PALMD: variants seen among roughly 807,000 people sequenced by gnomAD.
The protein encoded by PALMD is paralemmin-like protein.
Under a neutral mutation model 56.2 loss-of-function variants are expected in PALMD, and 42 were observed. The observed-to-expected ratio is 0.75, with a 90% CI of 0.58 to 0.97. The LOEUF (loss-of-function observed/expected upper bound fraction) is 0.97. PALMD is among the 50% of genes least tolerant of loss of function. PALMD has a pLI of 0.00. For missense variants in PALMD, 660 were observed against 643.8 expected (o/e 1.03, Z -0.27); for synonymous variants, 242 against 222.9 (o/e 1.09, Z -0.76).
At chr1:99,693,435 T>C (rs1171810601) in intron 7 of PALMD, among the ~76,000 whole-genome samples, 26 of 152,202 alleles carry the variant, frequency 1.7e-4, no homozygotes, top group Admixed American at 1.7e-3. Context: ...GAGGAATATA[T>C]CCAAAAAGAT....
At chr1:99,677,025 G>T (rs1323055559) in intron 3 of PALMD, among the ~76,000 whole-genome samples, 1 of 152,170 alleles carries the variant, frequency 6.6e-6, no homozygotes, top group East Asian at 1.9e-4. Context: ...GATTATTTTA[G>T]ATGAGTTATG....
In PALMD at chr1:99,646,119, T is replaced by C; in HGVS notation, c.-199T>C. The C allele has an allele frequency of 1.7e-6, 1 of 578,412 alleles. No homozygotes were observed. The highest frequency in any genetic ancestry group is 3.1e-6 in the Non-Finnish European group (1 of 323,548). 35.8% of individuals were successfully genotyped at this position (578,412 alleles called of 1,614,324 possible). ...GCCTCCCCAGCACACCCTCATTACA[T>C]GTGTCTGTCTGGCCTGATCTGTGCA... On this transcript the variant is annotated 5_prime_UTR_variant, in exon 1 of 8. It removes an upstream start codon present in the reference 5' UTR. Transcript: ENST00000263174.
intron 1 of PALMD, 119 bp downstream of exon 1, chr1:99,646,481 G>A: frequency 1.3e-6 from 1 of 771,464 alleles, no homozygotes. Flanking sequence ...CAGCCTTCAT[G>A]GACGAGTCTC....
chr1:99,674,013 G>A (rs1223927569), intron 3 of PALMD, among the ~76,000 whole-genome samples: 2 of 152,066 alleles, frequency 1.3e-5, no homozygotes, highest in Non-Finnish European at 2.9e-5. Flanking sequence ...AATAAGAAAA[G>A]AATAAACATC....
chr1:99,686,602 A>G (rs1653501412), intron 3 of PALMD, 74 bp from the exon 4 acceptor site: 1 of 708,428 alleles, frequency 1.4e-6, no homozygotes, highest in African/African-American at 1.8e-5. Context: ...AACTTTATAT[A>G]TGGGGAAGAC....
At chr1:99,675,730 G>A (rs1342064031) in intron 3 of PALMD, among the ~76,000 whole-genome samples, 1 of 152,190 alleles carries the variant, frequency 6.6e-6, no homozygotes, top group Non-Finnish European at 1.5e-5. Flanking sequence ...GTGCATGATA[G>A]TGGCTGATTC....
At chr1:99,687,511 G>A (rs1571076118) in intron 6 of PALMD, among the ~76,000 whole-genome samples, 1 of 152,136 alleles carries the variant, frequency 6.6e-6, no homozygotes, top group East Asian at 1.9e-4. Flanking sequence ...GAACCTCTTT[G>A]GGGGTTACAA....
chr1:99,648,800 T>C (rs1652499990), intron 1 of PALMD, among the ~76,000 whole-genome samples: 1 of 152,116 alleles, frequency 6.6e-6, no homozygotes, highest in East Asian at 1.9e-4. Flanking sequence ...AAAGTCATTA[T>C]TTTTCACTGC....
Position 99,694,111 on chromosome 1 carries a change from A to AC in PALMD, c.*49_*50insC. The stretch of plus-strand genomic sequence containing the variant: ...TCCTTTGAAGAAGAAACTAAGAAGC[A>AC]TTTGCAAATTTCTCTTCTGGATATT... On this transcript the variant is annotated 3_prime_UTR_variant, in exon 8 of 8. Transcript: ENST00000263174. 1 of 1,275,652 alleles carries AC rather than the reference A, an allele frequency of 7.8e-7. No homozygotes were observed. The highest frequency in any genetic ancestry group is 1.1e-6 in the Non-Finnish European group (1 of 897,198). 79.0% of individuals were successfully genotyped at this position (1,275,652 alleles called of 1,614,324 possible). A position where few individuals can be genotyped will look rare whatever the true frequency, so the allele number is the denominator to read the frequency against.
chr1:99,686,824 C>A lies in PALMD; in HGVS notation c.366+34C>A, dbSNP rs1653509340. The stretch of plus-strand genomic sequence containing the variant: ...TAACCAATTTTAAAACTGTAATTCT[C>A]TCTCAAAATGAATCCACAAATACTA... On this transcript the variant is annotated intron_variant, in intron 4 of 7. Coordinates refer to ENST00000263174, the MANE Select transcript of PALMD (RefSeq NM_017734.5). The A allele has an allele frequency of 2.2e-6, 3 of 1,373,644 alleles. No individual in the cohort carries two copies. The African/African-American group carries it at 4.3e-5, about 20-fold the overall frequency. The allele number at this position is 1,373,644 out of a possible 1,614,324, so 85.1% of individuals were successfully genotyped here.
intron 3 of PALMD, chr1:99,685,467 G>A (rs1210121025): frequency 6.6e-6 from 1 of 152,186 alleles, no homozygotes; most frequent in African/African-American, 2.4e-5. Context: ...ATTTCACTTA[G>A]AGGTCTGTGG....
At chr1:99,684,489 A>G (rs1475436547) in intron 3 of PALMD, 1 of 152,040 alleles carries the variant, frequency 6.6e-6, no homozygotes, top group East Asian at 1.9e-4. Flanking sequence ...AATATTTTTA[A>G]AAGAATGAAT....
Position 99,667,735 on chromosome 1 carries a change from C to A in PALMD, c.220C>A (p.Gln74Lys), listed in dbSNP as rs753294477. 6.2e-7 allele frequency: 1 copy of A among 1,613,436 alleles called. No individual in the cohort carries two copies. The highest frequency in any genetic ancestry group is 1.3e-5 in the African/African-American group (1 of 74,868). The change falls in exon 3 of 8, where the codon CAG (glutamine) becomes AAG (lysine). Residue 74 changes from glutamine (Q) to lysine (K), a missense_variant. Transcript: ENST00000263174. ...MKKQNQQDQH[Q>K]IQVLEQSILR... Reference sequence around the variant, plus strand: ...GAAGCAAAATCAACAAGACCAGCACCAGATCCAGGTTCTAGAACAAAGTAT... The same window carrying A: ...GAAGCAAAATCAACAAGACCAGCACAAGATCCAGGTTCTAGAACAAAGTAT...
chr1:99,656,325 A>G (rs1360516033), intron 1 of PALMD, among the ~76,000 whole-genome samples: 2 of 152,114 alleles, frequency 1.3e-5, no homozygotes, highest in Non-Finnish European at 2.9e-5. Context: ...TAAACTTCTA[A>G]TTATGCCCTG....
Position 99,686,694 on chromosome 1 carries a change from A to C in PALMD, c.270A>C (p.Gln90His). Residue 90 changes from glutamine (Q) to histidine (H), a missense_variant, in exon 4 of 8, where the codon CAA (glutamine) becomes CAC (histidine). Transcript: ENST00000263174. ...QSILRLEKEI[Q>H]DLEKAELQIS... ...TTGTCAGGCTTGAGAAAGAGATCCA[A>C]GATCTTGAAAAAGCTGAACTGCAAA... 1 of 1,595,584 alleles carries C rather than the reference A, an allele frequency of 6.3e-7. No individual in the cohort carries two copies. Among genetic ancestry groups the C allele is most frequent in the Non-Finnish European group, 8.6e-7 (1 of 1,166,146 alleles).
intron 3 of PALMD, 145 bp downstream of exon 3, chr1:99,667,911 C>T: frequency 1.4e-6 from 1 of 699,528 alleles, no homozygotes; most frequent in South Asian, 2.0e-5. Flanking sequence ...CACGCTTTCA[C>T]ACTGTCACCC....
At chr1:99,657,838 T>C (rs1652760546) in intron 1 of PALMD, among the ~76,000 whole-genome samples, 1 of 152,140 alleles carries the variant, frequency 6.6e-6, no homozygotes, top group Non-Finnish European at 1.5e-5. Flanking sequence ...TTGAATGCCC[T>C]TTCTCCATAC....
At chr1:99,676,191 T>C (rs1046989668) in intron 3 of PALMD, among the ~76,000 whole-genome samples, 1 of 152,206 alleles carries the variant, frequency 6.6e-6, no homozygotes, top group Non-Finnish European at 1.5e-5. Context: ...TTTAATTCTC[T>C]GGCATGCTTA....
chr1:99,654,136 C>T (rs760281495), intron 1 of PALMD, among the ~76,000 whole-genome samples: 2 of 151,988 alleles, frequency 1.3e-5, no homozygotes, highest in Non-Finnish European at 2.9e-5. Flanking sequence ...TTCCACCACT[C>T]GATCAATCAC....
Sources: gnomAD v4.1 joint callset for allele counts (sites outside exome capture counted in the v4.1 genomes callset) on GRCh38, gnomAD v4.1.1 for gene constraint, MANE v1.5 for transcripts, NCBI Gene and HGNC (gene_info 2026-07-23, HGNC 2026-07-21) for gene names.